The following CLDN2 variants were observed in gnomAD, a reference collection of about 807,000 sequenced individuals.
The protein encoded by CLDN2 is claudin-2.
Under a neutral mutation model 8.2 loss-of-function variants are expected in CLDN2, and 1 was observed. That is an observed-to-expected ratio of 0.12 (90% CI 0.04 to 0.58). The LOEUF (loss-of-function observed/expected upper bound fraction) is 0.58, where lower values mean the gene tolerates loss of function less well. Ranked by LOEUF, CLDN2 falls within the 20% of genes least tolerant of loss-of-function variation. CLDN2 has a pLI of 0.90. For synonymous variants in CLDN2, 70 were observed against 70.2 expected, an observed-to-expected ratio of 1.00 and a Z score of 0.01; for missense variants, 108 against 172.9, an observed-to-expected ratio of 0.62 and a Z score of 2.11.
rs1441579095 is a variant in CLDN2 at position 106,928,286 on chromosome X, G to A, written c.58G>A (p.Gly20Ser). The change falls in exon 2 of 2, where the codon GGC becomes AGC. Residue 20 changes from glycine to serine, a missense_variant. Physicochemically the swap from Gly to Ser is moderately conservative, Grantham distance 56. Coordinates refer to ENST00000336803, the MANE Select transcript of CLDN2 (RefSeq NM_020384.4). ...GYILGLLGLL[G>S]TLVAMLLPSW... ...CATCCTAGGCCTTCTGGGGCTTTTG[G>A]GCACACTGGTTGCCATGCTGCTCCC... 1 of 1,211,867 alleles carries A rather than the reference G, an allele frequency of 8.3e-7. No individual in the cohort carries two copies. The highest frequency in any genetic ancestry group is 1.1e-6 in the Non-Finnish European group (1 of 895,472).
chrX:106,924,090 T>G (rs1361637616), intron 1 of CLDN2, among the ~76,000 whole-genome samples: 1 of 111,438 alleles, frequency 9.0e-6, no homozygotes, highest in Non-Finnish European at 1.9e-5. Flanking sequence ...GATCATTGAA[T>G]TTTGGATCAA....
intron 1 of CLDN2, among the ~76,000 whole-genome samples, chrX:106,908,574 T>A (rs1248766448): frequency 9.2e-6 from 1 of 108,349 alleles, no homozygotes; most frequent in Non-Finnish European, 1.9e-5. Context: ...TTTCTTTTTT[T>A]TTTTTTTTGT....
Position 106,930,123 on chromosome X carries a change from C to G in CLDN2, c.*1202C>G, listed in dbSNP as rs1439418990. ...GAGCACTACAGAGCCTCTGAAAGAC[C>G]ATAGCACCAAGCGAGCCCCTTCAGA... On this transcript the variant is annotated 3_prime_UTR_variant, in exon 2 of 2. Coordinates refer to ENST00000336803, the MANE Select transcript of CLDN2 (RefSeq NM_020384.4). The G allele has an allele frequency of 8.1e-6, 1 of 123,135 alleles. No individual in the cohort carries two copies. Among genetic ancestry groups the G allele is most frequent in the Admixed American group, 9.5e-5 (1 of 10,569 alleles). 10.1% of individuals were successfully genotyped at this position (123,135 alleles called of 1,213,427 possible). A position where few individuals can be genotyped will look rare whatever the true frequency, so the allele number is the denominator to read the frequency against.
intron 1 of CLDN2, among the ~76,000 whole-genome samples, chrX:106,912,393 A>T (rs1335183697): frequency 2.9e-5 from 3 of 103,653 alleles, no homozygotes; most frequent in African/African-American, 1.1e-4. Context: ...AAACTAGCGA[A>T]TTTTTTATGG....
chrX:106,910,942 A>C (rs191621701), intron 1 of CLDN2, among the ~76,000 whole-genome samples: 54 of 112,334 alleles, frequency 4.8e-4, no homozygotes, highest in African/African-American at 1.7e-3. Context: ...ACAGAGTTGC[A>C]GTGAAGACTG....
chrX:106,910,214 C>T (rs1005012790), intron 1 of CLDN2, among the ~76,000 whole-genome samples: 3 of 111,238 alleles, frequency 2.7e-5, no homozygotes, highest in East Asian at 2.8e-4. Flanking sequence ...AGTAAGCAAA[C>T]GATACTAGTA....
chrX:106,907,609 G>A (rs1358781496), intron 1 of CLDN2, among the ~76,000 whole-genome samples: 2 of 109,589 alleles, frequency 1.8e-5, no homozygotes, highest in Admixed American at 1.9e-4. Context: ...GCTGAGTCAG[G>A]AGAATTGCTT....
chrX:106,909,875 C>A (rs1331630307), intron 1 of CLDN2, among the ~76,000 whole-genome samples: 1 of 111,641 alleles, frequency 9.0e-6, no homozygotes, highest in Admixed American at 9.5e-5. Flanking sequence ...GTGGTGCGGG[C>A]TCTCTTGGCA....
At chrX:106,901,491 C>A in intron 1 of CLDN2, 2 of 1,211,571 alleles carry the variant, frequency 1.7e-6, no homozygotes, top group South Asian at 1.8e-5. Context: ...GGTGATGGAA[C>A]TTGGATTCAG....
chrX:106,912,406 CTCT>C (rs1933257887), intron 1 of CLDN2, among the ~76,000 whole-genome samples: 1 of 97,003 alleles, frequency 1.0e-5, no homozygotes, highest in Admixed American at 1.1e-4. Context: ...TTTTATGGAA[CTCT>C]TTTTTTTTTT....
rs747311567 is a variant in CLDN2 at position 106,912,115 on chromosome X, TCTA to T, written c.-179+11614_-179+11616del. On this transcript the variant is annotated intron_variant, in intron 1 of 1. Coordinates refer to the CLDN2 transcript ENST00000541806. ...CTCCTCTTCATGCCCAGCTGTCTCC[TCTA>T]CTGACAGGACATTTCTAAGCATAAT... Among the ~76,000 whole-genome samples, 335 of 111,416 alleles carry T rather than the reference TCTA, an allele frequency of 3.0e-3. 1 individual carries two copies. Among genetic ancestry groups the T allele is most frequent in the Non-Finnish European group, 4.7e-3 (251 of 53,033 alleles).
intron 1 of CLDN2, among the ~76,000 whole-genome samples, chrX:106,905,183 G>A (rs943029045): frequency 8.9e-6 from 1 of 112,377 alleles, no homozygotes; most frequent in Non-Finnish European, 1.9e-5. Context: ...CAAAGGGCAG[G>A]GCTGAGGCCC....
chrX:106,914,602 A>T (rs1293922492), upstream of CLDN2, among the ~76,000 whole-genome samples: 1 of 111,663 alleles, frequency 9.0e-6, no homozygotes, highest in Non-Finnish European at 1.9e-5. Flanking sequence ...ATTGAATATA[A>T]TGCCACTTTC....
chrX:106,927,016 G>A (rs984572463), intron 1 of CLDN2, among the ~76,000 whole-genome samples: 4 of 110,754 alleles, frequency 3.6e-5, no homozygotes, highest in Non-Finnish European at 5.7e-5. Flanking sequence ...CCAGGAGGTC[G>A]AGGCTGCAAT....
chrX:106,927,704 T>C (rs1933487984), intron 1 of CLDN2, among the ~76,000 whole-genome samples: 1 of 112,313 alleles, frequency 8.9e-6, no homozygotes, highest in Admixed American at 9.4e-5. Flanking sequence ...CAGTTTGGCC[T>C]CAGTCTGCAA....
intron 1 of CLDN2, chrX:106,900,731 C>A: frequency 8.4e-7 from 1 of 1,197,527 alleles, no homozygotes; most frequent in Non-Finnish European, 1.1e-6. Context: ...ACCCTTCTGG[C>A]CCCTTTTCAT....
chrX:106,910,375 C>A (rs1161865626), intron 1 of CLDN2, among the ~76,000 whole-genome samples: 2 of 111,230 alleles, frequency 1.8e-5, no homozygotes, highest in Admixed American at 1.9e-4. Context: ...TCACAAAAAT[C>A]TTATGAGGTA....
At chrX:106,915,252 A>G (rs1332817948), upstream of CLDN2, among the ~76,000 whole-genome samples, 1 of 112,247 alleles carries the variant, frequency 8.9e-6, no homozygotes, top group Admixed American at 9.4e-5. Flanking sequence ...TTATTCGTTC[A>G]CTAGTTGAAA....
At chrX:106,902,566 G>A (rs2147786041) in intron 1 of CLDN2, among the ~76,000 whole-genome samples, 1 of 111,511 alleles carries the variant, frequency 9.0e-6, no homozygotes, top group East Asian at 2.8e-4. Context: ...GTAATGAGTG[G>A]GGGCTAGATG....
Sources: gnomAD v4.1 joint callset for allele counts (sites outside exome capture counted in the v4.1 genomes callset) on GRCh38, gnomAD v4.1.1 for gene constraint, MANE v1.5 for transcripts, NCBI Gene and HGNC (gene_info 2026-07-23, HGNC 2026-07-21) for gene names.